CALN1: variants seen among roughly 807,000 people sequenced by gnomAD.
CALN1 encodes calcium-binding protein 8.
A neutral mutation model predicts 30.6 loss-of-function variants in CALN1; 17 were observed. The observed-to-expected ratio is 0.56, with a 90% CI of 0.38 to 0.83. CALN1 has a LOEUF of 0.83. Among genes scored for constraint, CALN1 ranks in the 40% least tolerant of loss-of-function variants. The probability of loss-of-function intolerance (pLI) is 0.00; values close to 1 mark genes in which losing one functional copy is unlikely to be tolerated. For synonymous variants in CALN1, 156 were observed against 131.4 expected (o/e 1.19, Z -1.28); for missense variants, 291 against 354.9 (o/e 0.82, Z 1.45).
upstream of CALN1, among the ~76,000 whole-genome samples, chr7:72,448,311 A>T (rs1160415700): frequency 6.6e-6 from 1 of 152,196 alleles, no homozygotes; most frequent in East Asian, 1.9e-4. Context: ...CACAGGGATG[A>T]GGGGAAGAGC....
At position 71,780,852 on chromosome 7, in the gene CALN1, T is replaced by C. The variant is rs1262178103; in HGVS notation, c.*6923A>G. 1 of 152,178 alleles carries C rather than the reference T, an allele frequency of 6.6e-6. No individual in the cohort carries two copies. The highest frequency in any genetic ancestry group is 1.5e-5 in the Non-Finnish European group (1 of 68,026). 9.4% of individuals were successfully genotyped at this position (152,178 alleles called of 1,614,324 possible). ...TCCTGAATTCTGATTCACATGACCTTTGGGGAGGTGACTGACTCCCTTTAT... is the reference window on the plus strand; with the variant it reads ...TCCTGAATTCTGATTCACATGACCTCTGGGGAGGTGACTGACTCCCTTTAT... On this transcript the variant is annotated 3_prime_UTR_variant, in exon 7 of 7. Coordinates refer to ENST00000395275, the MANE Select transcript of CALN1 (RefSeq NM_031468.4).
chr7:71,928,912 T>A (rs913580492), intron 5 of CALN1, among the ~76,000 whole-genome samples: 23 of 151,892 alleles, frequency 1.5e-4, no homozygotes, highest in Admixed American at 1.4e-3. Flanking sequence ...GATTTTCACC[T>A]ACCCCCCACC....
chr7:72,377,943 T>TG lies in CALN1; in HGVS notation c.119+25307dup, dbSNP rs375983322. Among the ~76,000 whole-genome samples the TG allele has an allele frequency of 6.9e-3, 1,045 of 152,222 alleles. 14 individuals are homozygous for TG. The highest frequency in any genetic ancestry group is 0.024 in the African/African-American group (1,002 of 41,524). ...AACTTCTAAATTCCCAGGAATATAT[T>TG]GGAGTTTTTCAAAGCCTGCCCCTCC... On this transcript the variant is annotated intron_variant, in intron 2 of 6. Coordinates refer to ENST00000395275, the MANE Select transcript of CALN1 (RefSeq NM_031468.4).
chr7:72,205,695 T>C (rs1475749690), intron 3 of CALN1, among the ~76,000 whole-genome samples: 1 of 150,354 alleles, frequency 6.7e-6, no homozygotes, highest in East Asian at 2.0e-4. Flanking sequence ...ACATCAAATT[T>C]ATCAATTTTT....
At chr7:72,195,549 A>T (rs1002764999) in intron 3 of CALN1, among the ~76,000 whole-genome samples, 11 of 151,990 alleles carry the variant, frequency 7.2e-5, no homozygotes, top group African/African-American at 2.4e-4. Context: ...CTAATTTTTA[A>T]AAAAATTTTT....
intron 5 of CALN1, among the ~76,000 whole-genome samples, chr7:71,955,610 T>G (rs963286277): frequency 1.3e-5 from 2 of 151,858 alleles, no homozygotes; most frequent in Admixed American, 6.6e-5. Flanking sequence ...AAGTGGAAAA[T>G]ATTACAGAAC....
At chr7:72,181,030 G>A (rs891992481) in intron 3 of CALN1, among the ~76,000 whole-genome samples, 18 of 148,226 alleles carry the variant, frequency 1.2e-4, no homozygotes, top group Non-Finnish European at 1.9e-4. Flanking sequence ...TCTGGGAGGC[G>A]GAAGTTGCAG....
intron 3 of CALN1, among the ~76,000 whole-genome samples, chr7:72,153,768 T>C (rs1276519329): frequency 6.6e-6 from 1 of 152,164 alleles, no homozygotes; most frequent in Non-Finnish European, 1.5e-5. Flanking sequence ...GCCCTGGCCT[T>C]TCATCGCAGG....
At chr7:71,989,697 C>T (rs993974220) in intron 5 of CALN1, among the ~76,000 whole-genome samples, 4 of 151,652 alleles carry the variant, frequency 2.6e-5, no homozygotes, top group African/African-American at 9.7e-5. Flanking sequence ...GGAGTTAGCA[C>T]AATAGTTTTG....
chr7:71,886,967 G>A (rs914320890), intron 5 of CALN1, among the ~76,000 whole-genome samples: 4 of 152,090 alleles, frequency 2.6e-5, no homozygotes, highest in African/African-American at 9.7e-5. Flanking sequence ...GAGAACTTAG[G>A]GGAGAGAGTG....
At position 72,116,705 on chromosome 7, in the gene CALN1, G is replaced by A. The variant is rs758309911; in HGVS notation, c.245-10411C>T. The stretch of plus-strand genomic sequence containing the variant: ...TAAGATGAGAATCTAGTGTCGAACA[G>A]GACTCCTGTAAATCAGTAAATTACC... On this transcript the variant is annotated intron_variant, in intron 3 of 6. Transcript: ENST00000395275. Among the ~76,000 whole-genome samples the A allele has an allele frequency of 7.2e-5, 11 of 152,228 alleles. No homozygotes were observed. In the South Asian group the frequency reaches 1.7e-3, roughly 23 times the overall value.
intron 5 of CALN1, among the ~76,000 whole-genome samples, chr7:71,830,553 GT>G (rs1789211546): frequency 6.6e-6 from 1 of 151,894 alleles, no homozygotes; most frequent in Non-Finnish European, 1.5e-5. Context: ...TCACTATGTT[GT>G]CCAGGCCGGT....
intron 4 of CALN1, among the ~76,000 whole-genome samples, chr7:72,033,953 G>C (rs894630179): frequency 2.6e-5 from 4 of 152,036 alleles, no homozygotes; most frequent in African/African-American, 9.7e-5. Flanking sequence ...AAAAGAAAAG[G>C]GCATTTCAGA....
rs1283223680 is a variant in CALN1 at position 71,784,018 on chromosome 7, C to T, written c.*3757G>A. 3.9e-5 allele frequency: 6 copies of T among 152,200 alleles called. No homozygotes were observed. Among genetic ancestry groups the T allele is most frequent in the Non-Finnish European group, 4.4e-5 (3 of 68,040 alleles). The allele number at this position is 152,200 out of a possible 1,614,324, so 9.4% of individuals were successfully genotyped here. A position where few individuals can be genotyped will look rare whatever the true frequency, so the allele number is the denominator to read the frequency against. On this transcript the variant is annotated 3_prime_UTR_variant, in exon 7 of 7. Coordinates refer to ENST00000395275, the MANE Select transcript of CALN1 (RefSeq NM_031468.4). ...CTAAACCTCAGTTCACCAAAGTTCACGTGTTTGGCTTGCAGGAGTGTGCTC... is the reference window on the plus strand; with the variant it reads ...CTAAACCTCAGTTCACCAAAGTTCATGTGTTTGGCTTGCAGGAGTGTGCTC...
chr7:72,362,468 C>A lies in CALN1; in HGVS notation c.119+40783G>T, dbSNP rs111927131. On this transcript the variant is annotated intron_variant, in intron 2 of 6. Transcript: ENST00000395275. ...CTAGGCATCACCCTAGGAGGGTGAT[C>A]TTCTCAAAGCCTCATCTGGTCTGGG... Among the ~76,000 whole-genome samples the A allele has an allele frequency of 9.0e-3, 1,365 of 152,268 alleles. 18 individuals carry two copies. Among genetic ancestry groups the A allele is most frequent in the African/African-American group, 0.031 (1,287 of 41,556 alleles).
intron 4 of CALN1, among the ~76,000 whole-genome samples, chr7:72,030,091 T>C (rs1801338257): frequency 2.0e-5 from 3 of 152,238 alleles, no homozygotes; most frequent in African/African-American, 4.8e-5. Flanking sequence ...TCAATTTAAT[T>C]GTAGGACATC....
intron 3 of CALN1, among the ~76,000 whole-genome samples, chr7:72,237,857 G>A (rs1357009331): frequency 2.0e-5 from 3 of 152,186 alleles, no homozygotes; most frequent in Non-Finnish European, 4.4e-5. Flanking sequence ...AACAAGGAGT[G>A]CCCCAGAAAT....
intron 5 of CALN1, among the ~76,000 whole-genome samples, chr7:71,964,323 A>G (rs10950289): frequency 0.15 from 22,653 of 152,010 alleles, 1,906 homozygotes; most frequent in Middle Eastern, 0.23. Context: ...TCTAAGGGTG[A>G]GTGTTTACAG....
chr7:72,456,790 G>C, the CALN1 span, among the ~76,000 whole-genome samples: 2 of 151,964 alleles, frequency 1.3e-5, no homozygotes, highest in African/African-American at 2.4e-5. Context: ...AGATTGCAGT[G>C]AGTCATGACT....
Sources: gnomAD v4.1 joint callset for allele counts (sites outside exome capture counted in the v4.1 genomes callset) on GRCh38, gnomAD v4.1.1 for gene constraint, MANE v1.5 for transcripts, NCBI Gene and HGNC (gene_info 2026-07-23, HGNC 2026-07-21) for gene names.